The following ANO2 variants were observed in gnomAD, a reference collection of about 807,000 sequenced individuals.
The protein encoded by ANO2 is anoctamin 2.
A neutral mutation model predicts 124.2 loss-of-function variants in ANO2; 101 were observed. That is an observed-to-expected ratio of 0.81 (90% confidence interval 0.69 to 0.96). The LOEUF is 0.96. Ranked by LOEUF, ANO2 falls within the 40% of genes least tolerant of loss-of-function variation. The pLI is 0.00. For synonymous variants in ANO2, 486 were observed against 482.5 expected (o/e 1.01, Z -0.09); for missense variants, 1,293 against 1,274.5 (o/e 1.01, Z -0.22).
intron 14 of ANO2, among the ~76,000 whole-genome samples, chr12:5,719,692 TTC>T (rs1306403526): frequency 6.6e-6 from 1 of 152,180 alleles, no homozygotes; most frequent in African/African-American, 2.4e-5. Flanking sequence ...AGAAATAAGT[TTC>T]TGTTGTCTAG....
Position 5,832,555 on chromosome 12 carries a change from C to A in ANO2, c.682G>T (p.Ala228Ser), listed in dbSNP as rs776408284. ...GGSIAKKFSA[A>S]LQKLSSHLQP... ...AGGTGCGAGCTCAGCTTCTGCAGAGCCGCGCTGAACTTCTTTGCAATGCTG... is the reference window on the plus strand; with the variant it reads ...AGGTGCGAGCTCAGCTTCTGCAGAGACGCGCTGAACTTCTTTGCAATGCTG... Residue 228 changes from alanine (A) to serine (S), a missense_variant, in exon 5 of 25, where the codon GCT (alanine) becomes TCT (serine). Coordinates refer to ENST00000682330, the MANE Select transcript of ANO2 (RefSeq NM_001364791.2). 6 of 1,613,876 alleles carry A rather than the reference C, an allele frequency of 3.7e-6. No individual in the cohort carries two copies. Among genetic ancestry groups the A allele is most frequent in the African/African-American group, 2.7e-5 (2 of 75,002 alleles).
At chr12:5,705,272 C>A (rs10732603) in intron 14 of ANO2, among the ~76,000 whole-genome samples, 1 of 151,980 alleles carries the variant, frequency 6.6e-6, no homozygotes, top group Admixed American at 6.6e-5. Flanking sequence ...CATCTGCTCA[C>A]GGCAAGAGAG....
chr12:5,648,385 C>T (rs1446848445), intron 14 of ANO2, among the ~76,000 whole-genome samples: 1 of 152,186 alleles, frequency 6.6e-6, no homozygotes, highest in African/African-American at 2.4e-5. Context: ...ATGTGCTCCC[C>T]CTCGTCACAA....
chr12:5,563,517 G>A lies in ANO2; in HGVS notation c.2779C>T (p.Pro927Ser). ...VLVDWMIPDI[P>S]TDISDQIKKE... ...TTGATCTGGTCGCTGATGTCCGTGG[G>A]GATGTCTGGAATCATCCAGTCCACG... Residue 927 changes from proline to serine, a missense_variant, in exon 25 of 25, where the codon CCC becomes TCC. Coordinates refer to ENST00000682330, the MANE Select transcript of ANO2 (RefSeq NM_001364791.2). 1 of 1,613,976 alleles carries A rather than the reference G, an allele frequency of 6.2e-7. No individual in the cohort carries two copies. The highest frequency in any genetic ancestry group is 8.5e-7 in the Non-Finnish European group (1 of 1,179,886).
rs191552992 is a variant in ANO2 at position 5,625,110 on chromosome 12, A to G, written c.1817-9813T>C. Among the ~76,000 whole-genome samples, 8 of 152,312 alleles carry G rather than the reference A, an allele frequency of 5.3e-5. No homozygotes were observed. The East Asian group carries it at 1.5e-3, about 29-fold the overall frequency. ...GGCTCTGTGAGCCACAGGAAGTACAACGGGAAGCTGTTGTAGATTTCTGAA... is the reference window on the plus strand; with the variant it reads ...GGCTCTGTGAGCCACAGGAAGTACAGCGGGAAGCTGTTGTAGATTTCTGAA... On this transcript the variant is annotated intron_variant, in intron 16 of 24. Transcript: ENST00000682330.
intron 20 of ANO2, among the ~76,000 whole-genome samples, chr12:5,599,154 A>C (rs1400221782): frequency 6.6e-6 from 1 of 152,188 alleles, no homozygotes; most frequent in East Asian, 1.9e-4. Context: ...TTTCAGCTTT[A>C]TCAATAATAG....
chr12:5,655,576 G>A (rs1471906841), intron 14 of ANO2, among the ~76,000 whole-genome samples: 1 of 152,196 alleles, frequency 6.6e-6, no homozygotes, highest in Non-Finnish European at 1.5e-5. Context: ...CACCCAGCCT[G>A]CAGACGCACC....
At chr12:5,886,881 A>G (rs533881085) in intron 3 of ANO2, among the ~76,000 whole-genome samples, 22 of 152,342 alleles carry the variant, frequency 1.4e-4, no homozygotes, top group African/African-American at 5.3e-4. Context: ...TGAGGTCCTC[A>G]GTCAAATTCA....
chr12:5,643,966 T>C (rs1946510773), intron 15 of ANO2, among the ~76,000 whole-genome samples: 1 of 152,262 alleles, frequency 6.6e-6, no homozygotes, highest in Admixed American at 6.5e-5. Context: ...TATCCCATTC[T>C]GATAATTTGT....
Position 5,565,607 on chromosome 12 carries a change from T to G in ANO2, c.2678A>C (p.Gln893Pro), listed in dbSNP as rs760089316. 1.2e-6 allele frequency: 2 copies of G among 1,606,358 alleles called. No homozygotes were observed. Among genetic ancestry groups the G allele is most frequent in the South Asian group, 1.1e-5 (1 of 89,156 alleles). ...WAPNPYEFSK[Q>P]YWFILSARLA... ...ACGGGCGGACAGAATAAACCAGTACTGTTTCGAAAACTCATAAGGGTTCGG... is the reference window on the plus strand; with the variant it reads ...ACGGGCGGACAGAATAAACCAGTACGGTTTCGAAAACTCATAAGGGTTCGG... The change falls in exon 24 of 25, where the codon CAG becomes CCG. Residue 893 changes from glutamine to proline, a missense_variant. By Grantham distance (76) the Gln-to-Pro change is moderately conservative. Transcript: ENST00000682330.
intron 3 of ANO2, among the ~76,000 whole-genome samples, chr12:5,905,411 C>T (rs1262739797): frequency 5.9e-5 from 9 of 152,176 alleles, no homozygotes. Flanking sequence ...ATGTTCCTAG[C>T]ACAGTAGAAG....
chr12:5,712,412 C>T (rs893827650), intron 14 of ANO2, among the ~76,000 whole-genome samples: 1 of 152,072 alleles, frequency 6.6e-6, no homozygotes, highest in Non-Finnish European at 1.5e-5. Context: ...GGAGAAGAGA[C>T]AGATACAGGA....
chr12:5,886,896 G>A (rs919476813), intron 3 of ANO2, among the ~76,000 whole-genome samples: 32 of 152,164 alleles, frequency 2.1e-4, no homozygotes, highest in Non-Finnish European at 1.3e-4. Context: ...AATTCACAGA[G>A]ACAGAAAGTA....
chr12:5,927,935 G>A (rs1176444026), intron 1 of ANO2, among the ~76,000 whole-genome samples: 2 of 152,244 alleles, frequency 1.3e-5, no homozygotes, highest in African/African-American at 4.8e-5. Context: ...GGCACAGAAT[G>A]TGGAGAGCTG....
At chr12:5,684,816 C>G (rs946291557) in intron 14 of ANO2, among the ~76,000 whole-genome samples, 1 of 152,150 alleles carries the variant, frequency 6.6e-6, no homozygotes, top group Non-Finnish European at 1.5e-5. Flanking sequence ...ATAGAGATCC[C>G]AGAGAGAAGC....
At chr12:5,761,390 A>G (rs1191883699) in intron 10 of ANO2, among the ~76,000 whole-genome samples, 2 of 152,208 alleles carry the variant, frequency 1.3e-5, no homozygotes, top group African/African-American at 4.8e-5. Context: ...TTACTTAGCA[A>G]GGGCAAATGG....
At chr12:5,799,783 G>C (rs536591553) in intron 9 of ANO2, among the ~76,000 whole-genome samples, 14 of 152,252 alleles carry the variant, frequency 9.2e-5, no homozygotes, top group African/African-American at 3.4e-4. Context: ...CACACTCTGA[G>C]GCAGTCCTGC....
intron 10 of ANO2, among the ~76,000 whole-genome samples, chr12:5,766,141 T>C (rs1390815338): frequency 1.3e-5 from 2 of 152,210 alleles, no homozygotes; most frequent in Non-Finnish European, 2.9e-5. Flanking sequence ...GAAAAACTGC[T>C]TGTGGCATCT....
intron 7 of ANO2, among the ~76,000 whole-genome samples, chr12:5,808,937 G>A (rs556667791): frequency 7.2e-5 from 11 of 152,320 alleles, no homozygotes; most frequent in Non-Finnish European, 1.2e-4. Context: ...CCACGTGGGA[G>A]CAGAGGCCCG....
Sources: allele counts gnomAD v4.1 joint callset (sites outside exome capture counted in the v4.1 genomes callset), GRCh38; gene constraint gnomAD v4.1.1; transcripts MANE v1.5; gene names NCBI Gene and HGNC (gene_info 2026-07-23, HGNC 2026-07-21).